Variants in ARSJ observed in about 807,000 individuals in gnomAD.
ARSJ encodes the protein arylsulfatase J.
In ARSJ, 26 loss-of-function variants were observed where a neutral mutation model predicts 35.9. The observed-to-expected ratio is 0.72, with a 90% confidence interval of 0.53 to 1.00. The LOEUF is 1.00. Ranked by LOEUF, ARSJ falls within the 50% of genes least tolerant of loss-of-function variation. The pLI is 0.00. For synonymous variants in ARSJ, 294 were observed against 267.6 expected, an observed-to-expected ratio of 1.10 and a Z score of -0.96; for missense variants, 667 against 723.6, an observed-to-expected ratio of 0.92 and a Z score of 0.90.
intron 1 of ARSJ, among the ~76,000 whole-genome samples, chr4:113,905,826 C>G (rs975174341): frequency 6.6e-6 from 1 of 151,708 alleles, no homozygotes; most frequent in African/African-American, 2.4e-5. Context: ...TACCACCAAG[C>G]CTGGCTAATT....
intron 1 of ARSJ, among the ~76,000 whole-genome samples, chr4:113,949,134 G>C (rs1211452269): frequency 6.8e-6 from 1 of 146,464 alleles, no homozygotes; most frequent in East Asian, 2.1e-4. Flanking sequence ...AGTGGGAGTT[G>C]AACAATGAGA....
intron 1 of ARSJ, among the ~76,000 whole-genome samples, chr4:113,978,011 T>C (rs1191346714): frequency 1.3e-5 from 2 of 152,232 alleles, no homozygotes; most frequent in Non-Finnish European, 2.9e-5. Flanking sequence ...CTGATAATTC[T>C]AGATTTAAGA....
chr4:113,943,558 T>TA (rs1249767395), intron 1 of ARSJ: 3 of 152,016 alleles, frequency 2.0e-5, no homozygotes, highest in Admixed American at 6.6e-5. Context: ...AGCCAGATGA[T>TA]AAAAAAATTA....
intron 1 of ARSJ, among the ~76,000 whole-genome samples, chr4:113,950,225 C>T (rs1287812852): frequency 1.3e-5 from 2 of 152,070 alleles, no homozygotes; most frequent in Non-Finnish European, 2.9e-5. Context: ...GAAGTGATTT[C>T]AGCTGCCCAG....
intron 1 of ARSJ, among the ~76,000 whole-genome samples, chr4:113,977,940 G>A (rs976681773): frequency 6.6e-6 from 1 of 152,284 alleles, no homozygotes; most frequent in Admixed American, 6.5e-5. Context: ...CCGAAGCAGA[G>A]TCATACATAA....
At chr4:113,956,856 G>A (rs184488007) in intron 1 of ARSJ, among the ~76,000 whole-genome samples, 219 of 152,070 alleles carry the variant, frequency 1.4e-3, no homozygotes, top group African/African-American at 5.0e-3. Context: ...TTGATGACAC[G>A]ACGAGATGTA....
chr4:113,978,653 TGAGCTA>T lies in ARSJ; in HGVS notation c.176_181del (p.Leu59_Ala60del). 6.2e-7 allele frequency: 1 copy of T among 1,614,210 alleles called. No individual in the cohort carries two copies. The highest frequency in any genetic ancestry group is 8.5e-7 in the Non-Finnish European group (1 of 1,180,010). Reference sequence around the variant, plus strand: ...GCTGGGCTCTAGTTTCTCTCCAGCTTGAGCTAGTAAGGCCCCTTCTTCCTCCTCTTC... The same window carrying T: ...GCTGGGCTCTAGTTTCTCTCCAGCTTGTAAGGCCCCTTCTTCCTCCTCTTC... On this transcript the variant is annotated inframe_deletion, in exon 1 of 2. Coordinates refer to ENST00000315366, the MANE Select transcript of ARSJ (RefSeq NM_024590.4).
Position 113,900,409 on chromosome 4 carries a change from GTTAAAA to G in ARSJ, c.*1859_*1864del, listed in dbSNP as rs936460726. On this transcript the variant is annotated 3_prime_UTR_variant, in exon 2 of 2. Transcript: ENST00000315366. Reference sequence around the variant, plus strand: ...GAGCCATATATTCTAGAAATAAAATGTTAAAATTAAAATCATTTAAATCATCTTACC... The same window carrying G: ...GAGCCATATATTCTAGAAATAAAATGTTAAAATCATTTAAATCATCTTACC... 9.2e-5 allele frequency: 14 copies of G among 152,032 alleles called. No individual in the cohort carries two copies. Among genetic ancestry groups the G allele is most frequent in the South Asian group, 2.1e-4 (1 of 4,818 alleles). The allele number at this position is 152,032 out of a possible 1,614,324, so 9.4% of individuals were successfully genotyped here.
rs2099667345 is a variant in ARSJ, at chr4:113,902,367, A to G, written c.1707T>C (p.Ala569=). 1 of 1,613,434 alleles carries G rather than the reference A, an allele frequency of 6.2e-7. No individual in the cohort carries two copies. Among genetic ancestry groups the G allele is most frequent in the South Asian group, 1.1e-5 (1 of 91,028 alleles). Reference sequence around the variant, plus strand: ...TTTTGCTTTTCTTTTGCTTTTTCTCAGCCTGATTTTTGCTTGGCTTCTTTT... The same window carrying G: ...TTTTGCTTTTCTTTTGCTTTTTCTCGGCCTGATTTTTGCTTGGCTTCTTTT... ...TKKKKPSKNQ[A]EKKQKKSKKK... The change falls in exon 2 of 2, where the codon GCT becomes GCC. Residue 569 remains alanine, a synonymous_variant. Transcript: ENST00000315366.
intron 1 of ARSJ, among the ~76,000 whole-genome samples, chr4:113,934,778 A>C (rs1724665861): frequency 6.6e-6 from 1 of 151,796 alleles, no homozygotes; most frequent in Non-Finnish European, 1.5e-5. Context: ...ATTATATTAA[A>C]CTGTCACATG....
At chr4:113,918,170 C>T (rs891703653) in intron 1 of ARSJ, among the ~76,000 whole-genome samples, 1 of 152,164 alleles carries the variant, frequency 6.6e-6, no homozygotes, top group African/African-American at 2.4e-5. Context: ...GACTCAGGCA[C>T]ATCTTCCTTT....
At position 113,923,779 on chromosome 4, in the gene ARSJ, G is replaced by A. The variant is rs1033232665; in HGVS notation, c.399-20104C>T. Among the ~76,000 whole-genome samples the A allele has an allele frequency of 2.2e-4, 34 of 151,516 alleles. 1 individual carries two copies. The highest frequency in any genetic ancestry group is 8.0e-4 in the African/African-American group (33 of 41,368). ...TTCAATAGCCATATGTGACTAGTGG[G>A]TACTGTATTGGATAGTGAAGATGTA... On this transcript the variant is annotated intron_variant, in intron 1 of 1. Transcript: ENST00000315366.
chr4:113,939,592 T>A (rs1725008773), intron 1 of ARSJ, among the ~76,000 whole-genome samples: 1 of 152,168 alleles, frequency 6.6e-6, no homozygotes, highest in South Asian at 2.1e-4. Flanking sequence ...GACTTTTTAA[T>A]GATTGCCATT....
At chr4:113,958,605 C>A (rs557349712) in intron 1 of ARSJ, among the ~76,000 whole-genome samples, 61 of 151,956 alleles carry the variant, frequency 4.0e-4, no homozygotes, top group Admixed American at 7.9e-4. Flanking sequence ...GGATATTAAC[C>A]TGCATGTTTT....
intron 1 of ARSJ, among the ~76,000 whole-genome samples, chr4:113,965,616 T>C (rs1726844049): frequency 6.6e-6 from 1 of 152,120 alleles, no homozygotes; most frequent in East Asian, 1.9e-4. Flanking sequence ...TAGAGATAGA[T>C]GTACTAAGAA....
chr4:113,956,887 G>T (rs750672532), intron 1 of ARSJ, among the ~76,000 whole-genome samples: 1 of 151,988 alleles, frequency 6.6e-6, no homozygotes, highest in Admixed American at 6.6e-5. Context: ...AGGCTCCAGG[G>T]TGCCAACAGC....
chr4:113,927,790 G>A (rs935585191), intron 1 of ARSJ, among the ~76,000 whole-genome samples: 1 of 152,156 alleles, frequency 6.6e-6, no homozygotes, highest in Non-Finnish European at 1.5e-5. Flanking sequence ...GAATGGGGAT[G>A]TGGTGGGAAT....
In ARSJ at chr4:113,902,328, TTTCTTC is replaced by T; in HGVS notation, c.1740_1745del (p.Lys581_Lys582del). The stretch of plus-strand genomic sequence containing the variant: ...TTGAACCTGAGACTGCTTTCTGCTG[TTTCTTC>T]TTCTTTTTTTTGCTTTTCTTTTGCT... On this transcript the variant is annotated inframe_deletion, in exon 2 of 2. Coordinates refer to ENST00000315366, the MANE Select transcript of ARSJ (RefSeq NM_024590.4). The T allele has an allele frequency of 6.2e-7, 1 of 1,613,298 alleles. No individual in the cohort carries two copies. Among genetic ancestry groups the T allele is most frequent in the Non-Finnish European group, 8.5e-7 (1 of 1,179,958 alleles).
intron 1 of ARSJ, among the ~76,000 whole-genome samples, chr4:113,934,994 A>G (rs888221664): frequency 2.2e-4 from 33 of 151,954 alleles, no homozygotes; most frequent in African/African-American, 7.7e-4. Flanking sequence ...GGATTGGTCA[A>G]TTATTCCTCT....
Sources: allele counts gnomAD v4.1 joint callset (sites outside exome capture counted in the v4.1 genomes callset), GRCh38; gene constraint gnomAD v4.1.1; transcripts MANE v1.5; gene names NCBI Gene and HGNC (gene_info 2026-07-23, HGNC 2026-07-21).